The following RSPO2 variants were observed in gnomAD, a reference collection of about 807,000 sequenced individuals.
The protein encoded by RSPO2 is R-spondin 2.
Under a neutral mutation model 30.9 loss-of-function variants are expected in RSPO2, and 14 were observed. The ratio of observed to expected loss-of-function variants is 0.45; its 90% CI spans 0.30 to 0.71. The LOEUF is 0.71. Ranked by LOEUF, RSPO2 falls within the 30% of genes least tolerant of loss-of-function variation. RSPO2 has a pLI of 0.08. For missense variants in RSPO2, 264 were observed against 301.9 expected (o/e 0.87, Z 0.93); for synonymous variants, 107 against 96.4 (o/e 1.11, Z -0.64).
At chr8:108,070,278 C>CTTTTTTTTTTT (rs1050611219) in intron 2 of RSPO2, among the ~76,000 whole-genome samples, 1 of 81,190 alleles carries the variant, frequency 1.2e-5, no homozygotes, top group African/African-American at 4.8e-5. Flanking sequence ...GACCCCATCT[C>CTTTTTTTTTTT]TTTTTTTTTT....
intron 2 of RSPO2, among the ~76,000 whole-genome samples, chr8:108,008,059 T>C (rs1273002776): frequency 1.3e-5 from 2 of 152,168 alleles, no homozygotes; most frequent in African/African-American, 2.4e-5. Flanking sequence ...CACACATGCC[T>C]GCACACACAT....
intron 4 of RSPO2, among the ~76,000 whole-genome samples, chr8:107,959,247 G>A (rs775808518): frequency 2.6e-5 from 4 of 152,130 alleles, no homozygotes; most frequent in Non-Finnish European, 4.4e-5. Context: ...CCACATTGGC[G>A]TTGTACATTA....
chr8:108,036,062 T>G (rs1811586587), intron 2 of RSPO2, among the ~76,000 whole-genome samples: 2 of 152,242 alleles, frequency 1.3e-5, no homozygotes, highest in Admixed American at 1.3e-4. Context: ...CCAAAGTATT[T>G]TTTTGAAAAT....
chr8:108,065,009 C>T (rs540123332), intron 2 of RSPO2, among the ~76,000 whole-genome samples: 53 of 151,702 alleles, frequency 3.5e-4, no homozygotes, highest in African/African-American at 9.7e-4. Flanking sequence ...CATCACACAC[C>T]GGGGCCTGTT....
rs113304365 is a variant in RSPO2 at position 107,919,240 on chromosome 8, T to C, written c.617-18050A>G. ...TTAGCCAACATATTAAGATTTAAGG[T>C]GTTATAAAACCCAAAAGGAGGGATT... On this transcript the variant is annotated intron_variant, in intron 5 of 5. Coordinates refer to ENST00000276659, the MANE Select transcript of RSPO2 (RefSeq NM_178565.5). 1.7e-3 allele frequency among the ~76,000 whole-genome samples: 259 copies of C among 152,224 alleles called. 2 individuals carry two copies. The highest frequency in any genetic ancestry group is 6.0e-3 in the African/African-American group (250 of 41,556).
At chr8:108,068,348 T>C (rs1812735309) in intron 2 of RSPO2, among the ~76,000 whole-genome samples, 1 of 152,182 alleles carries the variant, frequency 6.6e-6, no homozygotes, top group African/African-American at 2.4e-5. Flanking sequence ...GGGGTGCCAT[T>C]AATATTCTTG....
At chr8:107,992,241 C>A (rs1258469514) in intron 2 of RSPO2, among the ~76,000 whole-genome samples, 2 of 150,100 alleles carry the variant, frequency 1.3e-5, no homozygotes, top group African/African-American at 2.5e-5. Context: ...AGAATGAGAT[C>A]ATGTCCTTTG....
chr8:108,071,820 C>T (rs1812855394), intron 2 of RSPO2, among the ~76,000 whole-genome samples: 1 of 152,166 alleles, frequency 6.6e-6, no homozygotes, highest in Admixed American at 6.5e-5. Flanking sequence ...AGACGTTCTT[C>T]CACCTACTAG....
rs1291787520 is a variant in RSPO2 at position 107,901,031 on chromosome 8, T to A, written c.*44A>T. 3 of 1,606,738 alleles carry A rather than the reference T, an allele frequency of 1.9e-6. No homozygotes were observed. In the African/African-American group the frequency reaches 4.0e-5, roughly 22 times the overall value. ...GGAGTGGAGAGTAGCTTTGTGCACATTTGCAAAAACAAAAACCCCTAAAAA... is the reference window on the plus strand; with the variant it reads ...GGAGTGGAGAGTAGCTTTGTGCACAATTGCAAAAACAAAAACCCCTAAAAA... On this transcript the variant is annotated 3_prime_UTR_variant, in exon 6 of 6. Transcript: ENST00000276659.
intron 2 of RSPO2, among the ~76,000 whole-genome samples, chr8:107,999,815 C>CA (rs3046257): frequency 4.4e-4 from 66 of 149,016 alleles, no homozygotes; most frequent in Admixed American, 1.1e-3. Context: ...TAATATCTTC[C>CA]AAAAAAAAAA....
intron 2 of RSPO2, among the ~76,000 whole-genome samples, chr8:108,060,118 G>A (rs2130701098): frequency 6.6e-6 from 1 of 151,918 alleles, no homozygotes; most frequent in South Asian, 2.1e-4. Context: ...GCAGAAGATG[G>A]GTGATTTCTG....
intron 2 of RSPO2, among the ~76,000 whole-genome samples, chr8:108,053,441 T>C (rs1009722693): frequency 1.3e-5 from 2 of 152,190 alleles, no homozygotes; most frequent in Non-Finnish European, 2.9e-5. Context: ...CCCACAGATA[T>C]TCCTAGAAGG....
At chr8:108,039,612 T>A (rs1246569357) in intron 2 of RSPO2, among the ~76,000 whole-genome samples, 1 of 152,050 alleles carries the variant, frequency 6.6e-6, no homozygotes, top group African/African-American at 2.4e-5. Flanking sequence ...TAAGGTACCT[T>A]TCAAAAGGGA....
At chr8:108,032,080 A>G (rs1037765131) in intron 2 of RSPO2, among the ~76,000 whole-genome samples, 1 of 152,132 alleles carries the variant, frequency 6.6e-6, no homozygotes, top group Non-Finnish European at 1.5e-5. Flanking sequence ...ACAAGCTCTG[A>G]CCCTATCCTG....
intron 3 of RSPO2, chr8:107,983,439 T>A: frequency 6.2e-7 from 1 of 1,600,382 alleles, no homozygotes; most frequent in Non-Finnish European, 8.6e-7. Flanking sequence ...CTGTAGAGGA[T>A]GCAGAGGGCC....
At chr8:108,029,397 A>C (rs1811343038) in intron 2 of RSPO2, among the ~76,000 whole-genome samples, 1 of 152,128 alleles carries the variant, frequency 6.6e-6, no homozygotes, top group Non-Finnish European at 1.5e-5. Context: ...CCTAGCACAT[A>C]AGTGGCTGTT....
chr8:107,965,448 T>C (rs1813769687), intron 3 of RSPO2, among the ~76,000 whole-genome samples: 1 of 152,110 alleles, frequency 6.6e-6, no homozygotes, highest in Non-Finnish European at 1.5e-5. Flanking sequence ...AACAGTTCAT[T>C]CTCAACATTC....
At chr8:108,041,829 C>T (rs1015693588) in intron 2 of RSPO2, among the ~76,000 whole-genome samples, 4 of 152,036 alleles carry the variant, frequency 2.6e-5, no homozygotes, top group Non-Finnish European at 2.9e-5. Flanking sequence ...GCACATTAAA[C>T]CTCCCTAGGC....
intron 5 of RSPO2, among the ~76,000 whole-genome samples, chr8:107,924,507 C>T (rs916985905): frequency 4.6e-5 from 7 of 151,918 alleles, no homozygotes; most frequent in Non-Finnish European, 4.4e-5. Flanking sequence ...TTGGTTTCAA[C>T]ATTTTTATAA....
Sources: gnomAD v4.1 joint callset for allele counts (sites outside exome capture counted in the v4.1 genomes callset) on GRCh38, gnomAD v4.1.1 for gene constraint, MANE v1.5 for transcripts, NCBI Gene and HGNC (gene_info 2026-07-23, HGNC 2026-07-21) for gene names.